Variants in ABTB2 observed in about 807,000 individuals in gnomAD.
The protein encoded by ABTB2 is ankyrin repeat and BTB/POZ domain-containing protein 2.
In ABTB2, 56 loss-of-function variants were observed where a neutral mutation model predicts 104.1. The ratio of observed to expected loss-of-function variants is 0.54; its 90% CI spans 0.43 to 0.67. The LOEUF (loss-of-function observed/expected upper bound fraction) is 0.67, where lower values mean the gene tolerates loss of function less well. Among genes scored for constraint, ABTB2 ranks in the 30% least tolerant of loss-of-function variants. The probability of loss-of-function intolerance (pLI) is 0.00; values close to 1 mark genes in which losing one functional copy is unlikely to be tolerated. For synonymous variants in ABTB2, 606 were observed against 608.2 expected, an observed-to-expected ratio of 1.00 and a Z score of 0.05; for missense variants, 1,279 against 1,407.7, an observed-to-expected ratio of 0.91 and a Z score of 1.46.
chr11:34,255,307 C>T (rs1854107720), intron 1 of ABTB2, among the ~76,000 whole-genome samples: 1 of 152,142 alleles, frequency 6.6e-6, no homozygotes, highest in Admixed American at 6.6e-5. Context: ...CACTTTCTCA[C>T]CTTTCCCCTC....
At chr11:34,350,900 T>C (rs1855390795) in intron 1 of ABTB2, among the ~76,000 whole-genome samples, 2 of 152,206 alleles carry the variant, frequency 1.3e-5, no homozygotes, top group South Asian at 2.1e-4. Context: ...CTGTGAATTC[T>C]GGACTCATGG....
At chr11:34,239,623 C>T (rs1853888642) in intron 1 of ABTB2, among the ~76,000 whole-genome samples, 1 of 152,174 alleles carries the variant, frequency 6.6e-6, no homozygotes, top group Non-Finnish European at 1.5e-5. Flanking sequence ...GAGCCACCAC[C>T]CGGCCTGTCT....
intron 1 of ABTB2, among the ~76,000 whole-genome samples, chr11:34,233,180 A>G (rs1391415277): frequency 6.6e-6 from 1 of 151,642 alleles, no homozygotes; most frequent in Non-Finnish European, 1.5e-5. Context: ...TAATGAGGAC[A>G]CAATTAGGAC....
intron 1 of ABTB2, among the ~76,000 whole-genome samples, chr11:34,240,742 G>A (rs766917907): frequency 2.6e-5 from 4 of 151,310 alleles, no homozygotes; most frequent in Non-Finnish European, 4.4e-5. Context: ...ACAGGCATCC[G>A]CCACCACACC....
At chr11:34,241,242 G>T (rs1015418735) in intron 1 of ABTB2, among the ~76,000 whole-genome samples, 1 of 152,214 alleles carries the variant, frequency 6.6e-6, no homozygotes, top group South Asian at 2.1e-4. Flanking sequence ...GGAAAGTTGT[G>T]TGGACTGAGT....
At chr11:34,234,232 T>G (rs2064988) in intron 1 of ABTB2, among the ~76,000 whole-genome samples, 143,795 of 152,260 alleles carry the variant, frequency 0.94, 68,127 homozygotes, top group East Asian at 1. Context: ...GTCACTCAGA[T>G]GAGCTTCCGG....
At chr11:34,268,895 A>G (rs1469466429) in intron 1 of ABTB2, among the ~76,000 whole-genome samples, 4 of 152,042 alleles carry the variant, frequency 2.6e-5, no homozygotes, top group Admixed American at 2.6e-4. Flanking sequence ...TGGGGGACCC[A>G]CCCTACCCAG....
In ABTB2 at chr11:34,252,292, T is replaced by C. The variant is rs1243976122; in HGVS notation, c.884-47602A>G. The stretch of plus-strand genomic sequence containing the variant: ...GAGCCTCTTCCTGAACCATCGCATC[T>C]CCCCACTTCCTATCAGCCTTTTCTT... On this transcript the variant is annotated intron_variant, in intron 1 of 16. Transcript: ENST00000435224. The surrounding 1 kb of genome is among the most constrained non-coding windows in gnomAD (Gnocchi z 5.5). Among the ~76,000 whole-genome samples, 4 of 152,130 alleles carry C rather than the reference T, an allele frequency of 2.6e-5. No individual in the cohort carries two copies. Among genetic ancestry groups the C allele is most frequent in the Non-Finnish European group, 5.9e-5 (4 of 68,016 alleles).
chr11:34,154,567 C>T lies in ABTB2; in HGVS notation c.2766+134G>A. ...CTGAGGCTGGGCTCAGTGGTGTGCA[C>T]AGTTCCTCTTTCTGGGAACTGCTCT... On this transcript the variant is annotated intron_variant, in intron 15 of 16. Transcript: ENST00000435224. This position sits in a 1 kb window ranked among gnomAD's most constrained non-coding sequence, Gnocchi z 4.9. 1.0e-6 allele frequency: 1 copy of T among 965,448 alleles called. No homozygotes were observed. The highest frequency in any genetic ancestry group is 2.5e-5 in the East Asian group (1 of 39,766). 59.8% of individuals were successfully genotyped at this position (965,448 alleles called of 1,614,324 possible).
At chr11:34,188,248 C>G (rs1008035436) in intron 3 of ABTB2, among the ~76,000 whole-genome samples, 1 of 152,308 alleles carries the variant, frequency 6.6e-6, no homozygotes, top group East Asian at 1.9e-4. Context: ...TAGGTTCTAC[C>G]ACCTATTTCA....
At chr11:34,202,621 C>T (rs1043777010) in intron 2 of ABTB2, among the ~76,000 whole-genome samples, 2 of 152,050 alleles carry the variant, frequency 1.3e-5, no homozygotes, top group Non-Finnish European at 2.9e-5. Flanking sequence ...TGGGGAATCA[C>T]TTGAGGTGAG....
Position 34,151,503 on chromosome 11 carries a change from C to T in ABTB2, c.*884G>A, listed in dbSNP as rs902191992. The T allele has an allele frequency of 2.0e-5, 3 of 152,220 alleles. No homozygotes were observed. The highest frequency in any genetic ancestry group is 2.9e-5 in the Non-Finnish European group (2 of 68,064). The allele number at this position is 152,220 out of a possible 1,614,324, so 9.4% of individuals were successfully genotyped here. The stretch of plus-strand genomic sequence containing the variant: ...CATTAAAGGAGCCGAGAGACTTGAC[C>T]AGGGGACTCTGCTTCATCGCCCCCA... On this transcript the variant is annotated 3_prime_UTR_variant, in exon 17 of 17. Coordinates refer to ENST00000435224, the MANE Select transcript of ABTB2 (RefSeq NM_145804.3).
intron 1 of ABTB2, among the ~76,000 whole-genome samples, chr11:34,219,681 T>C (rs1469968321): frequency 6.6e-6 from 1 of 152,230 alleles, no homozygotes; most frequent in Non-Finnish European, 1.5e-5. Context: ...GTCTACAGCA[T>C]TCAGTACAGT....
At chr11:34,160,796 G>A (rs1004574521) in intron 11 of ABTB2, 107 bp downstream of exon 11, 1 of 1,261,460 alleles carries the variant, frequency 7.9e-7, no homozygotes, top group Non-Finnish European at 1.1e-6. Flanking sequence ...TGCGTTGGGT[G>A]AGGGGGTCCC....
chr11:34,181,095 G>T (rs568926290), intron 3 of ABTB2, among the ~76,000 whole-genome samples: 1 of 152,186 alleles, frequency 6.6e-6, no homozygotes, highest in East Asian at 1.9e-4. Context: ...AGTAGAGACA[G>T]GGTTTCAACA....
intron 1 of ABTB2, among the ~76,000 whole-genome samples, chr11:34,212,010 G>GGA (rs1278477357): frequency 6.6e-6 from 1 of 152,056 alleles, no homozygotes; most frequent in African/African-American, 2.4e-5. Context: ...ATTCAAATGG[G>GGA]GAGAAAATGC....
chr11:34,199,180 C>A (rs1228934388), intron 2 of ABTB2, among the ~76,000 whole-genome samples: 1 of 152,158 alleles, frequency 6.6e-6, no homozygotes, highest in African/African-American at 2.4e-5. Flanking sequence ...GATTTGAGCT[C>A]ATTAGCTGCT....
intron 1 of ABTB2, among the ~76,000 whole-genome samples, chr11:34,258,605 CTTTTTTT>C (rs35853565): frequency 4.0e-3 from 385 of 95,160 alleles, no homozygotes; most frequent in Non-Finnish European, 5.7e-3. Context: ...AGTGCCTGCT[CTTTTTTT>C]TTTTTTTTTT....
intron 1 of ABTB2, among the ~76,000 whole-genome samples, chr11:34,293,864 ACAGGTGCATGCCAC>A (rs1489824891): frequency 6.6e-6 from 1 of 152,116 alleles, no homozygotes; most frequent in Non-Finnish European, 1.5e-5. Context: ...AGCTGGGACT[ACAGGTGCATGCCAC>A]CATGCCTGGC....
Sources: gnomAD v4.1 joint callset for allele counts (sites outside exome capture counted in the v4.1 genomes callset) on GRCh38, gnomAD v4.1.1 for gene constraint, Gnocchi (gnomAD v3.1) non-coding constraint, MANE v1.5 for transcripts, NCBI Gene and HGNC (gene_info 2026-07-23, HGNC 2026-07-21) for gene names.